The following RIMS2 variants were observed in gnomAD, a reference collection of about 807,000 sequenced individuals.
The protein encoded by RIMS2 is regulating synaptic membrane exocytosis 2.
In RIMS2, 59 loss-of-function variants were observed where a neutral mutation model predicts 174.4. The ratio of observed to expected loss-of-function variants is 0.34; its 90% confidence interval spans 0.27 to 0.42. The LOEUF is 0.42. RIMS2 is among the 10% of genes least tolerant of loss of function. The pLI, the probability that RIMS2 is intolerant of heterozygous loss-of-function variation, is 1.00. For missense variants in RIMS2, 1,620 were observed against 1,666.3 expected (o/e 0.97, Z 0.48); for synonymous variants, 606 against 572.5 (o/e 1.06, Z -0.84).
At chr8:104,184,004 C>G (rs532168668) in intron 19 of RIMS2, among the ~76,000 whole-genome samples, 6 of 151,506 alleles carry the variant, frequency 4.0e-5, no homozygotes, top group Admixed American at 2.0e-4. Flanking sequence ...TTAATTGGTA[C>G]TGAAACATTG....
intron 3 of RIMS2, among the ~76,000 whole-genome samples, chr8:103,840,437 A>G (rs2154486128): frequency 6.6e-6 from 1 of 152,024 alleles, no homozygotes; most frequent in African/African-American, 2.4e-5. Context: ...GGGTTGTGGT[A>G]ATTCATTTAT....
chr8:103,652,630 T>A, intron 1 of RIMS2: 1 of 1,347,426 alleles, frequency 7.4e-7, no homozygotes, highest in Non-Finnish European at 9.8e-7. Context: ...ACAGGTGGTT[T>A]CCCTTTAGTG....
chr8:103,564,759 G>A (rs968427314), intron 1 of RIMS2, among the ~76,000 whole-genome samples: 4 of 152,130 alleles, frequency 2.6e-5, no homozygotes, highest in African/African-American at 7.2e-5. Context: ...CAGATTGAGG[G>A]TGGGTCTCCC....
rs73285176 is a variant in RIMS2, at chr8:103,536,229, G to A, written c.176+35167G>A. On this transcript the variant is annotated intron_variant, in intron 1 of 23. Coordinates refer to ENST00000504942, the Ensembl canonical transcript of RIMS2. ...AAGATGCTCTCTTGACTTTGTGTTA[G>A]CAGAAACAAACAAGGGCACTTTTGT... Among the ~76,000 whole-genome samples the A allele has an allele frequency of 5.0e-3, 765 of 152,228 alleles. 8 individuals are homozygous for A. The highest frequency in any genetic ancestry group is 0.017 in the African/African-American group (725 of 41,534).
chr8:104,041,213 T>C, intron 19 of RIMS2, 113 bp from the exon 22 acceptor site: 1 of 484,862 alleles, frequency 2.1e-6, no homozygotes, highest in Non-Finnish European at 3.8e-6. Context: ...ACAGGATTCT[T>C]TCTCAAAATG....
At chr8:103,731,899 A>G (rs1228098931) in intron 2 of RIMS2, among the ~76,000 whole-genome samples, 1 of 152,138 alleles carries the variant, frequency 6.6e-6, no homozygotes, top group African/African-American at 2.4e-5. Flanking sequence ...AGCTATTTTG[A>G]ATTTTCTATA....
intron 3 of RIMS2, among the ~76,000 whole-genome samples, chr8:103,808,164 A>G (rs568105926): frequency 6.6e-6 from 1 of 152,112 alleles, no homozygotes; most frequent in Non-Finnish European, 1.5e-5. Flanking sequence ...ACAAGCAGCA[A>G]TTCTTCAGTT....
chr8:104,151,386 T>A (rs1427357345), intron 19 of RIMS2, among the ~76,000 whole-genome samples: 3 of 152,104 alleles, frequency 2.0e-5, no homozygotes, highest in South Asian at 2.1e-4. Flanking sequence ...CTGGGCAACA[T>A]GGCAAAACCC....
chr8:103,786,060 A>G (rs1486402174), intron 3 of RIMS2, among the ~76,000 whole-genome samples: 1 of 151,970 alleles, frequency 6.6e-6, no homozygotes, highest in Non-Finnish European at 1.5e-5. Context: ...ATTTGCGTAG[A>G]GTTGTTTGTA....
chr8:104,090,121 G>A (rs1329889584), intron 19 of RIMS2, among the ~76,000 whole-genome samples: 3 of 151,440 alleles, frequency 2.0e-5, no homozygotes, highest in African/African-American at 7.3e-5. Flanking sequence ...CATGTGTGAT[G>A]AATTACACAC....
chr8:104,131,303 C>G (rs1273001223), intron 19 of RIMS2, among the ~76,000 whole-genome samples: 3 of 152,050 alleles, frequency 2.0e-5, no homozygotes, highest in Non-Finnish European at 4.4e-5. Context: ...AGATAGGAAA[C>G]TAAACCAACC....
At chr8:103,928,607 G>A (rs2079242020) in intron 11 of RIMS2, among the ~76,000 whole-genome samples, 2 of 150,486 alleles carry the variant, frequency 1.3e-5, no homozygotes, top group African/African-American at 4.9e-5. Flanking sequence ...GCTGCATGTT[G>A]TTTTTAAAAA....
Position 103,817,860 on chromosome 8 carries a change from C to T in RIMS2, c.698+51323C>T, listed in dbSNP as rs183546851. On this transcript the variant is annotated intron_variant, in intron 3 of 23. Coordinates refer to ENST00000504942, the Ensembl canonical transcript of RIMS2. ...AAAATGATGGTGGCATTAGCACATA[C>T]AGTGTTTTCTGGATATTAAAAAATA... is the stretch of plus-strand genomic sequence containing the variant. Among the ~76,000 whole-genome samples, 32 of 152,042 alleles carry T rather than the reference C, an allele frequency of 2.1e-4. No homozygotes were observed. In the East Asian group the frequency reaches 4.4e-3, roughly 21 times the overall value.
intron 1 of RIMS2, among the ~76,000 whole-genome samples, chr8:103,504,208 A>G (rs903713771): frequency 6.6e-6 from 1 of 152,084 alleles, no homozygotes; most frequent in African/African-American, 2.4e-5. Flanking sequence ...TGAATGATTA[A>G]TGTTTTTAAG....
At chr8:103,591,384 ATC>A (rs1233266395) in intron 1 of RIMS2, among the ~76,000 whole-genome samples, 1 of 151,114 alleles carries the variant, frequency 6.6e-6, no homozygotes, top group Non-Finnish European at 1.5e-5. Flanking sequence ...TCTTCATAAT[ATC>A]TTTTGATGAA....
chr8:104,237,104 C>A (rs1215196008), intron 19 of RIMS2, among the ~76,000 whole-genome samples: 1 of 151,922 alleles, frequency 6.6e-6, no homozygotes, highest in Non-Finnish European at 1.5e-5. Flanking sequence ...ATTAAAATTT[C>A]TTTAAGCATG....
At chr8:103,716,184 GA>G (rs2097366316) in intron 2 of RIMS2, 124 bp from the exon 5 acceptor site, 1 of 151,908 alleles carries the variant, frequency 6.6e-6, no homozygotes, top group Non-Finnish European at 1.5e-5. Flanking sequence ...GACATTTTCA[GA>G]ATTTTAATTT....
chr8:103,957,130 G>C lies in RIMS2; in HGVS notation c.2702-3935G>C, dbSNP rs532363099. 3.3e-5 allele frequency among the ~76,000 whole-genome samples: 5 copies of C among 151,680 alleles called. No individual in the cohort carries two copies. The East Asian group carries it at 5.8e-4, about 18-fold the overall frequency. ...TGCTGGAGAGGATATCGAGAAATAG[G>C]AACGCTTTTACACTGTTTGTGGGAG... On this transcript the variant is annotated intron_variant, in intron 14 of 23. Coordinates refer to ENST00000504942, the Ensembl canonical transcript of RIMS2.
intron 19 of RIMS2, among the ~76,000 whole-genome samples, chr8:104,144,961 T>C (rs1171109104): frequency 6.6e-6 from 1 of 152,156 alleles, no homozygotes; most frequent in Admixed American, 6.5e-5. Flanking sequence ...TACAGATATC[T>C]GCTTCTCCCT....
Sources: allele counts gnomAD v4.1 joint callset (sites outside exome capture counted in the v4.1 genomes callset), GRCh38; gene constraint gnomAD v4.1.1; transcripts MANE v1.5; gene names NCBI Gene and HGNC (gene_info 2026-07-23, HGNC 2026-07-21).